TEX11: variants seen among roughly 807,000 people sequenced by gnomAD.
The protein encoded by TEX11 is testis-expressed protein 11.
A neutral mutation model predicts 84.4 loss-of-function variants in TEX11; 7 were observed. That is an observed-to-expected ratio of 0.08 (90% CI 0.05 to 0.16). The LOEUF is 0.16. Among genes scored for constraint, TEX11 ranks in the 10% least tolerant of loss-of-function variants. TEX11 has a pLI of 1.00. For synonymous variants in TEX11, 264 were observed against 222.8 expected (o/e 1.18, Z -1.64); for missense variants, 551 against 660.5 (o/e 0.83, Z 1.82).
In TEX11 at chrX:70,704,909, T is replaced by C; in HGVS notation, c.1004+17709A>G. Among the ~76,000 whole-genome samples, 2 of 111,971 alleles carry C rather than the reference T, an allele frequency of 1.8e-5. 1 individual carries two copies. Among genetic ancestry groups the C allele is most frequent in the Middle Eastern group, 9.2e-3 (2 of 218 alleles). ...GAATGGTATTGCCTAGGTTTTCTTC[T>C]AGGGTTTTTATGGTTTTAGGTCTAA... On this transcript the variant is annotated intron_variant, in intron 13 of 29. Coordinates refer to ENST00000374333, the MANE Select transcript of TEX11 (RefSeq NM_031276.3).
At chrX:70,537,163 T>C (rs1481920759) in intron 28 of TEX11, among the ~76,000 whole-genome samples, 1 of 111,874 alleles carries the variant, frequency 8.9e-6, no homozygotes, top group Non-Finnish European at 1.9e-5. Context: ...GGATCTCATA[T>C]GTGATGCCCT....
intron 28 of TEX11, among the ~76,000 whole-genome samples, chrX:70,539,885 AG>A (rs2088018677): frequency 9.0e-6 from 1 of 111,489 alleles, no homozygotes; most frequent in African/African-American, 3.3e-5. Context: ...AGACCCAAAA[AG>A]AAAAAGAAAG....
chrX:70,749,994 A>T (rs1468851388), intron 9 of TEX11, among the ~76,000 whole-genome samples: 1 of 110,861 alleles, frequency 9.0e-6, no homozygotes, highest in Non-Finnish European at 1.9e-5. Flanking sequence ...CAACCTACAA[A>T]ATGGGAGAAA....
intron 2 of TEX11, among the ~76,000 whole-genome samples, chrX:70,884,161 T>A (rs2091696831): frequency 8.9e-6 from 1 of 112,858 alleles, no homozygotes; most frequent in South Asian, 3.6e-4. Flanking sequence ...AAGGAAGATA[T>A]TTTTATTTCA....
At chrX:70,731,841 A>G (rs1250101185) in intron 11 of TEX11, among the ~76,000 whole-genome samples, 1 of 111,116 alleles carries the variant, frequency 9.0e-6, no homozygotes, top group East Asian at 2.8e-4. Flanking sequence ...CCGGGCAGAG[A>G]CACAACCAAA....
intron 28 of TEX11, among the ~76,000 whole-genome samples, chrX:70,537,722 G>A (rs2087980559): frequency 3.6e-5 from 4 of 111,434 alleles, no homozygotes; most frequent in Admixed American, 9.6e-5. Context: ...AAAGTGTTGC[G>A]TTAGTTACCA....
At chrX:70,906,334 T>C (rs375446321) in intron 2 of TEX11, among the ~76,000 whole-genome samples, 1 of 107,575 alleles carries the variant, frequency 9.3e-6, no homozygotes, top group South Asian at 4.1e-4. Context: ...TTATTTTCTA[T>C]ACTTTTCTGT....
At chrX:70,874,144 G>A (rs1171447448) in intron 3 of TEX11, among the ~76,000 whole-genome samples, 22 of 110,519 alleles carry the variant, frequency 2.0e-4, no homozygotes, top group Non-Finnish European at 3.8e-5. Flanking sequence ...CTTCCAACAT[G>A]ATTGGAAACT....
chrX:70,833,401 T>C lies in TEX11; in HGVS notation c.606+112A>G, dbSNP rs1255057962. On this transcript the variant is annotated intron_variant, in intron 8 of 29. Coordinates refer to ENST00000374333, the MANE Select transcript of TEX11 (RefSeq NM_031276.3). ...ATATTTCAAAGATCAGCTACTTATGTGGAACTGATCTCAAATAGAATCTCC... is the reference window on the plus strand; with the variant it reads ...ATATTTCAAAGATCAGCTACTTATGCGGAACTGATCTCAAATAGAATCTCC... 5 of 587,602 alleles carry C rather than the reference T, an allele frequency of 8.5e-6. No homozygotes were observed. In the African/African-American group the frequency reaches 1.2e-4, roughly 14 times the overall value. The allele number at this position is 587,602 out of a possible 1,213,427, so 48.4% of individuals were successfully genotyped here.
At chrX:70,719,977 C>T (rs914940598) in intron 13 of TEX11, among the ~76,000 whole-genome samples, 4 of 111,566 alleles carry the variant, frequency 3.6e-5, no homozygotes, top group African/African-American at 1.3e-4. Flanking sequence ...CCTCAAGGGT[C>T]TAGAACTAGA....
chrX:70,534,347 G>A (rs1418595838), intron 28 of TEX11, among the ~76,000 whole-genome samples: 3 of 111,093 alleles, frequency 2.7e-5, no homozygotes, highest in Non-Finnish European at 5.7e-5. Flanking sequence ...GGGAGTGAGG[G>A]AGGTGCTGAG....
At chrX:70,669,811 T>C (rs1299196378) in intron 16 of TEX11, among the ~76,000 whole-genome samples, 2 of 112,750 alleles carry the variant, frequency 1.8e-5, no homozygotes, top group Non-Finnish European at 3.8e-5. Flanking sequence ...GCATACCATA[T>C]GATAACCAAA....
intron 9 of TEX11, among the ~76,000 whole-genome samples, chrX:70,754,771 AAG>A (rs754531451): frequency 1.5e-4 from 16 of 107,398 alleles, no homozygotes; most frequent in South Asian, 4.1e-4. Context: ...GAAAGAGAGA[AAG>A]AGAGAGAGAG....
intron 18 of TEX11, among the ~76,000 whole-genome samples, chrX:70,626,374 T>G (rs1319218190): frequency 1.8e-5 from 2 of 109,500 alleles, no homozygotes; most frequent in Non-Finnish European, 3.8e-5. Flanking sequence ...CTCCCCCTAG[T>G]TCTCCACCCC....
chrX:70,667,084 C>T (rs2089982481), intron 16 of TEX11, among the ~76,000 whole-genome samples: 2 of 112,032 alleles, frequency 1.8e-5, no homozygotes, highest in African/African-American at 6.5e-5. Context: ...ATTTTAAGTG[C>T]CTGAAATAAA....
intron 9 of TEX11, among the ~76,000 whole-genome samples, chrX:70,792,345 TATATATATATATAC>T (rs1367948940): frequency 1.7e-3 from 18 of 10,606 alleles, no homozygotes; most frequent in African/African-American, 3.8e-3. Context: ...TATATATATA[TATATATATATATAC>T]ACACACAAAT....
At chrX:70,688,658 C>A (rs5981001) in intron 13 of TEX11, among the ~76,000 whole-genome samples, 1 of 107,994 alleles carries the variant, frequency 9.3e-6, no homozygotes, top group Non-Finnish European at 1.9e-5. Flanking sequence ...GAAAATACTA[C>A]GTGTGATACT....
chrX:70,827,413 G>A (rs141055077), intron 8 of TEX11, among the ~76,000 whole-genome samples: 220 of 111,586 alleles, frequency 2.0e-3, no homozygotes, highest in African/African-American at 6.7e-3. Flanking sequence ...ACTTTGTACT[G>A]CACTCTAGGT....
chrX:70,787,000 G>T (rs938879220), intron 9 of TEX11, among the ~76,000 whole-genome samples: 2 of 110,839 alleles, frequency 1.8e-5, no homozygotes, highest in Non-Finnish European at 3.8e-5. Flanking sequence ...CAGGCATGGT[G>T]GCTCATGCCT....
Sources: gnomAD v4.1 joint callset for allele counts (sites outside exome capture counted in the v4.1 genomes callset) on GRCh38, gnomAD v4.1.1 for gene constraint, MANE v1.5 for transcripts, NCBI Gene and HGNC (gene_info 2026-07-23, HGNC 2026-07-21) for gene names.